Variants in CAMK2D observed in about 807,000 individuals in gnomAD.
The protein encoded by CAMK2D is calcium/calmodulin dependent protein kinase II delta.
CAMK2D carries 37 observed loss-of-function variants against 84.0 expected under a neutral mutation model. That is an observed-to-expected ratio of 0.44 (90% confidence interval 0.34 to 0.58). The LOEUF (loss-of-function observed/expected upper bound fraction) is 0.58, where lower values mean the gene tolerates loss of function less well. Ranked by LOEUF, CAMK2D falls within the 20% of genes least tolerant of loss-of-function variation. The pLI, the probability that CAMK2D is intolerant of heterozygous loss-of-function variation, is 0.02. For missense variants in CAMK2D, 448 were observed against 652.5 expected (o/e 0.69, Z 3.41); for synonymous variants, 202 against 212.5 (o/e 0.95, Z 0.43).
At chr4:113,454,910 A>G (rs926856249) in intron 20 of CAMK2D, among the ~76,000 whole-genome samples, 10 of 152,268 alleles carry the variant, frequency 6.6e-5, no homozygotes, top group South Asian at 4.1e-4. Flanking sequence ...TTCTGTTATT[A>G]TTGTTAGATT....
intron 16 of CAMK2D, among the ~76,000 whole-genome samples, chr4:113,470,506 C>T (rs1167020804): frequency 6.6e-6 from 1 of 151,996 alleles, no homozygotes; most frequent in Non-Finnish European, 1.5e-5. Flanking sequence ...GGTGTGGTGG[C>T]ACGCACATGT....
intron 3 of CAMK2D, among the ~76,000 whole-genome samples, chr4:113,609,452 T>C (rs2098990868): frequency 6.6e-6 from 1 of 152,216 alleles, no homozygotes; most frequent in Non-Finnish European, 1.5e-5. Flanking sequence ...GTAATGATAT[T>C]AGTACCTATG....
chr4:113,503,599 T>A (rs1424776837), intron 14 of CAMK2D, among the ~76,000 whole-genome samples: 1 of 152,184 alleles, frequency 6.6e-6, no homozygotes, highest in Non-Finnish European at 1.5e-5. Flanking sequence ...TCTACTAATC[T>A]AGAACTAATC....
intron 1 of CAMK2D, among the ~76,000 whole-genome samples, chr4:113,760,329 T>C (rs1235682538): frequency 6.6e-6 from 1 of 152,072 alleles, no homozygotes; most frequent in Non-Finnish European, 1.5e-5. Flanking sequence ...CCTGTATAAA[T>C]AAATCCTCCC....
intron 3 of CAMK2D, among the ~76,000 whole-genome samples, chr4:113,622,525 G>A (rs2099050392): frequency 6.6e-6 from 1 of 150,988 alleles, no homozygotes; most frequent in Non-Finnish European, 1.5e-5. Flanking sequence ...AATGCTTTGG[G>A]AGGCTAAGGC....
At chr4:113,553,708 A>T (rs1357061698) in intron 4 of CAMK2D, among the ~76,000 whole-genome samples, 1 of 152,220 alleles carries the variant, frequency 6.6e-6, no homozygotes, top group East Asian at 1.9e-4. Flanking sequence ...TAAGATTATC[A>T]TATAAATCTT....
rs1164582307 is a variant in CAMK2D at position 113,735,288 on chromosome 4, GGAAAAAAAAAAAAAA to G, written c.160+24017_160+24031del. ...CCAACATGGCAAAACCATCTCTACAGGAAAAAAAAAAAAAAAAAAAAAAAAAAAAAAAAAAAATTA... is the reference window on the plus strand; with the variant it reads ...CCAACATGGCAAAACCATCTCTACAGAAAAAAAAAAAAAAAAAAAAAATTA... On this transcript the variant is annotated intron_variant, in intron 2 of 20. Coordinates refer to ENST00000511664, the MANE Select transcript of CAMK2D (RefSeq NM_001321571.2). 2.0e-3 allele frequency among the ~76,000 whole-genome samples: 119 copies of G among 58,998 alleles called. 2 individuals carry two copies. The highest frequency in any genetic ancestry group is 6.0e-3 in the African/African-American group (104 of 17,276). The allele number at this position is 58,998 out of a possible 152,430, so 38.7% of individuals were successfully genotyped here. A position where few individuals can be genotyped will look rare whatever the true frequency, so the allele number is the denominator to read the frequency against.
In CAMK2D at chr4:113,698,386, A is replaced by C. The variant is rs139017588; in HGVS notation, c.161-36614T>G. ...AACCAAAGATCTCTCTGTGCCTCAAATTCATCATCCGTAAAATGGGGATCT... is the reference window on the plus strand; with the variant it reads ...AACCAAAGATCTCTCTGTGCCTCAACTTCATCATCCGTAAAATGGGGATCT... On this transcript the variant is annotated intron_variant, in intron 2 of 20. Coordinates refer to ENST00000511664, the MANE Select transcript of CAMK2D (RefSeq NM_001321571.2). Among the ~76,000 whole-genome samples, 133 of 152,162 alleles carry C rather than the reference A, an allele frequency of 8.7e-4. 2 individuals are homozygous for C. The highest frequency in any genetic ancestry group is 3.1e-3 in the African/African-American group (128 of 41,550).
chr4:113,727,839 A>AT (rs1219437463), intron 2 of CAMK2D, among the ~76,000 whole-genome samples: 1 of 152,154 alleles, frequency 6.6e-6, no homozygotes, highest in East Asian at 1.9e-4. Flanking sequence ...AATAATGCAC[A>AT]TTTTTTAAAG....
At chr4:113,503,029 CT>C in intron 14 of CAMK2D, 52 bp from the exon 15 acceptor site, 1 of 1,286,902 alleles carries the variant, frequency 7.8e-7, no homozygotes, top group Non-Finnish European at 1.1e-6. Flanking sequence ...TAAGTACATT[CT>C]TTCTAGTGTG....
chr4:113,745,961 GTCTCTA>G (rs2099603250), intron 2 of CAMK2D, among the ~76,000 whole-genome samples: 1 of 152,180 alleles, frequency 6.6e-6, no homozygotes, highest in South Asian at 2.1e-4. Context: ...GGGCACAGGA[GTCTCTA>G]AATGTTCCTT....
chr4:113,756,191 G>T (rs957148924), intron 2 of CAMK2D, among the ~76,000 whole-genome samples: 1 of 152,002 alleles, frequency 6.6e-6, no homozygotes, highest in Non-Finnish European at 1.5e-5. Flanking sequence ...TCTAGGCACA[G>T]AAAAATGCCT....
chr4:113,612,006 C>T lies in CAMK2D; in HGVS notation c.221-2800G>A, dbSNP rs186873621. Among the ~76,000 whole-genome samples the T allele has an allele frequency of 1.0e-3, 152 of 152,006 alleles. 2 individuals carry two copies. Among genetic ancestry groups the T allele is most frequent in the African/African-American group, 3.3e-3 (136 of 41,444 alleles). ...CCTTTATTCCTTCCTTCCTATGTCC[C>T]ACCCTACTTCCTTCCACTCTCTTAT... On this transcript the variant is annotated intron_variant, in intron 3 of 20. Transcript: ENST00000511664.
intron 5 of CAMK2D, among the ~76,000 whole-genome samples, chr4:113,550,999 C>A (rs553451406): frequency 6.6e-6 from 1 of 152,156 alleles, no homozygotes; most frequent in Non-Finnish European, 1.5e-5. Context: ...AGCTGGACAT[C>A]TGTTGAGGGT....
At chr4:113,508,251 C>CATCATCTGAACACTT in intron 13 of CAMK2D, 1 of 1,548,210 alleles carries the variant, frequency 6.5e-7, no homozygotes, top group Non-Finnish European at 8.8e-7. Flanking sequence ...TCTGAACACT[C>CATCATCTGAACACTT]GAACTGGACT....
chr4:113,581,186 C>G (rs188059148), intron 4 of CAMK2D, among the ~76,000 whole-genome samples: 4 of 151,934 alleles, frequency 2.6e-5, no homozygotes, highest in Non-Finnish European at 5.9e-5. Context: ...TCTATTTGAC[C>G]TTTTCTATAC....
intron 2 of CAMK2D, among the ~76,000 whole-genome samples, chr4:113,728,276 A>T (rs911418268): frequency 6.6e-6 from 1 of 152,182 alleles, no homozygotes; most frequent in Admixed American, 6.5e-5. Flanking sequence ...GGTGAAATGG[A>T]CCTATATTGA....
At chr4:113,737,715 TG>T (rs1450689068) in intron 2 of CAMK2D, among the ~76,000 whole-genome samples, 1 of 152,212 alleles carries the variant, frequency 6.6e-6, no homozygotes, top group Non-Finnish European at 1.5e-5. Flanking sequence ...TTTATATTTT[TG>T]TTAAGGCATA....
At chr4:113,525,318 T>C (rs2098408161) in intron 8 of CAMK2D, among the ~76,000 whole-genome samples, 1 of 152,142 alleles carries the variant, frequency 6.6e-6, no homozygotes, top group Non-Finnish European at 1.5e-5. Flanking sequence ...TAGGCTTGCA[T>C]TTATTTATTT....
Sources: allele counts gnomAD v4.1 joint callset (sites outside exome capture counted in the v4.1 genomes callset), GRCh38; gene constraint gnomAD v4.1.1; transcripts MANE v1.5; gene names NCBI Gene and HGNC (gene_info 2026-07-23, HGNC 2026-07-21).